The following FANCL variants were observed in gnomAD, a reference collection of about 807,000 sequenced individuals.
FANCL encodes the protein E3 ubiquitin-protein ligase FANCL.
Under a neutral mutation model 59.4 loss-of-function variants are expected in FANCL, and 69 were observed. The observed-to-expected ratio is 1.16, with a 90% CI of 0.96 to 1.42. The LOEUF is 1.42. Ranked by LOEUF, FANCL falls within the 40% of genes most tolerant of loss-of-function variation. The pLI, the probability that FANCL is intolerant of heterozygous loss-of-function variation, is 0.00. For synonymous variants in FANCL, 180 were observed against 147.1 expected (o/e 1.22, Z -1.62); for missense variants, 519 against 447.2 (o/e 1.16, Z -1.45).
At chr2:58,159,936 GAA>G (rs1684856244) in intron 13 of FANCL, 136 bp from the exon 14 acceptor site, 1 of 1,527,054 alleles carries the variant, frequency 6.5e-7, no homozygotes, top group Admixed American at 2.2e-5. Context: ...GATCACCTAG[GAA>G]ATCTAGAAAA....
chr2:58,233,695 A>G (rs997974305), intron 1 of FANCL, among the ~76,000 whole-genome samples: 5 of 151,884 alleles, frequency 3.3e-5, no homozygotes, highest in African/African-American at 1.2e-4. Flanking sequence ...GAAGGTCAGG[A>G]AAAAAAATGC....
At chr2:58,183,319 C>T (rs1688104682) in intron 7 of FANCL, among the ~76,000 whole-genome samples, 1 of 151,738 alleles carries the variant, frequency 6.6e-6, no homozygotes, top group East Asian at 1.9e-4. Flanking sequence ...TTCAGAGTTA[C>T]AGGATGGTGA....
At chr2:58,202,061 G>A (rs969837528) in intron 6 of FANCL, among the ~76,000 whole-genome samples, 1 of 151,480 alleles carries the variant, frequency 6.6e-6, no homozygotes, top group Non-Finnish European at 1.5e-5. Context: ...AACTATTAGT[G>A]TAGTTGACTG....
chr2:58,221,703 A>G (rs1467661252), intron 5 of FANCL, among the ~76,000 whole-genome samples: 1 of 152,216 alleles, frequency 6.6e-6, no homozygotes, highest in Non-Finnish European at 1.5e-5. Flanking sequence ...TTACGGTAAC[A>G]TCTTACTGTG....
At chr2:58,178,016 T>TA (rs551416905) in intron 7 of FANCL, among the ~76,000 whole-genome samples, 58 of 152,072 alleles carry the variant, frequency 3.8e-4, no homozygotes, top group African/African-American at 1.3e-3. Context: ...CCTGGACACA[T>TA]ACACCCTCCC....
chr2:58,225,076 G>A (rs1315938543), intron 4 of FANCL, among the ~76,000 whole-genome samples: 5 of 151,658 alleles, frequency 3.3e-5, no homozygotes, highest in Non-Finnish European at 3.0e-5. Context: ...GTATCAGAAG[G>A]CAAACAAGCT....
At chr2:58,190,549 C>T (rs887604531) in intron 7 of FANCL, among the ~76,000 whole-genome samples, 15 of 150,556 alleles carry the variant, frequency 1.0e-4, no homozygotes, top group African/African-American at 3.7e-4. Flanking sequence ...CTTTTTGTTC[C>T]AGTTAGGTTA....
At chr2:58,235,025 A>G (rs963161830) in intron 1 of FANCL, among the ~76,000 whole-genome samples, 3 of 152,050 alleles carry the variant, frequency 2.0e-5, no homozygotes, top group African/African-American at 7.2e-5. Context: ...CTATGATGGG[A>G]GTATTTTCAG....
chr2:58,204,469 C>T (rs1176170314), intron 5 of FANCL, among the ~76,000 whole-genome samples: 1 of 152,068 alleles, frequency 6.6e-6, no homozygotes, highest in Non-Finnish European at 1.5e-5. Flanking sequence ...AAGGCTCATG[C>T]TGTGGTCAGT....
chr2:58,208,771 C>T (rs1415454192), intron 5 of FANCL, among the ~76,000 whole-genome samples: 1 of 152,166 alleles, frequency 6.6e-6, no homozygotes. Flanking sequence ...GTCTTTACTT[C>T]GTCTCTGTAC....
intron 3 of FANCL, among the ~76,000 whole-genome samples, chr2:58,228,796 A>C (rs1051131520): frequency 1.3e-5 from 2 of 152,216 alleles, no homozygotes; most frequent in African/African-American, 4.8e-5. Flanking sequence ...AAGATAAATA[A>C]TTGGGATTTT....
At chr2:58,163,400 CTA>C (rs960084896) in intron 9 of FANCL, 32 bp downstream of exon 9, 1 of 1,359,730 alleles carries the variant, frequency 7.4e-7, no homozygotes, top group Non-Finnish European at 1.1e-6. Flanking sequence ...TTTTATGACT[CTA>C]TTAAAAAACG....
At chr2:58,213,970 G>A (rs932078377) in intron 5 of FANCL, among the ~76,000 whole-genome samples, 13 of 152,066 alleles carry the variant, frequency 8.5e-5, no homozygotes, top group Non-Finnish European at 1.5e-4. Context: ...ACAACTCTAG[G>A]GAGCATCATT....
At chr2:58,179,219 T>C (rs966648497) in intron 7 of FANCL, among the ~76,000 whole-genome samples, 1 of 152,104 alleles carries the variant, frequency 6.6e-6, no homozygotes, top group Non-Finnish European at 1.5e-5. Context: ...CTTAACAGAA[T>C]TAGAAAAAAA....
intron 7 of FANCL, among the ~76,000 whole-genome samples, chr2:58,171,030 T>C (rs926654641): frequency 7.9e-5 from 12 of 151,074 alleles, no homozygotes; most frequent in East Asian, 5.9e-4. Context: ...GCAGACCTAA[T>C]AGACATCTAC....
intron 7 of FANCL, among the ~76,000 whole-genome samples, chr2:58,168,223 T>G (rs564069416): frequency 3.3e-4 from 50 of 151,548 alleles, no homozygotes; most frequent in African/African-American, 1.2e-3. Flanking sequence ...AGAAGGCAGG[T>G]GATTTCTGCA....
chr2:58,221,180 T>A (rs1393840123), intron 5 of FANCL, among the ~76,000 whole-genome samples: 1 of 151,430 alleles, frequency 6.6e-6, no homozygotes, highest in African/African-American at 2.4e-5. Flanking sequence ...AGAGCGAGAC[T>A]CGGTCTCAAA....
chr2:58,166,754 C>A (rs538037883), intron 7 of FANCL, among the ~76,000 whole-genome samples: 1 of 152,190 alleles, frequency 6.6e-6, no homozygotes, highest in Non-Finnish European at 1.5e-5. Context: ...TATGATACAC[C>A]CTAAGATGAA....
chr2:58,235,476 A>G (rs988219383), intron 1 of FANCL, among the ~76,000 whole-genome samples: 1 of 152,154 alleles, frequency 6.6e-6, no homozygotes, highest in Non-Finnish European at 1.5e-5. Context: ...AGCAATGCTT[A>G]AAAGCTTAAA....
Sources: gnomAD v4.1 joint callset for allele counts (sites outside exome capture counted in the v4.1 genomes callset) on GRCh38, gnomAD v4.1.1 for gene constraint, MANE v1.5 for transcripts, NCBI Gene and HGNC (gene_info 2026-07-23, HGNC 2026-07-21) for gene names.